The following LIFR variants were observed in gnomAD, a reference collection of about 807,000 sequenced individuals.
LIFR encodes the protein leukemia inhibitory factor receptor.
LIFR carries 84 observed loss-of-function variants against 122.2 expected under a neutral mutation model. The ratio of observed to expected loss-of-function variants is 0.69; its 90% confidence interval spans 0.58 to 0.82. The LOEUF (loss-of-function observed/expected upper bound fraction) is 0.82. Among genes scored for constraint, LIFR ranks in the 40% least tolerant of loss-of-function variants. The probability of loss-of-function intolerance (pLI) is 0.00; values close to 1 mark genes in which losing one functional copy is unlikely to be tolerated. For missense variants in LIFR, 1,294 were observed against 1,311.6 expected (o/e 0.99, Z 0.21); for synonymous variants, 422 against 434.7 (o/e 0.97, Z 0.36).
chr5:38,476,525 T>TC lies in LIFR; in HGVS notation c.*5069_*5070insG. 4.8e-6 allele frequency: 1 copy of TC among 207,562 alleles called. No individual in the cohort carries two copies. Among genetic ancestry groups the TC allele is most frequent in the African/African-American group, 2.3e-5 (1 of 43,914 alleles). 12.9% of individuals were successfully genotyped at this position (207,562 alleles called of 1,614,324 possible). A position where few individuals can be genotyped will look rare whatever the true frequency, so the allele number is the denominator to read the frequency against. On this transcript the variant is annotated 3_prime_UTR_variant, in exon 20 of 20. Coordinates refer to ENST00000453190, the MANE Select transcript of LIFR (RefSeq NM_001127671.2). ...CACATAGGATCTATGTTGTTAGCTT[T>TC]TTTTTTTTTAAAGTTCTGATTGGCT... is the stretch of plus-strand genomic sequence containing the variant.
chr5:38,556,771 CGGCCGCGCGCCCGCGCGCGCG>C (rs1205933649), upstream of LIFR: 6 of 147,786 alleles, frequency 4.1e-5, no homozygotes, highest in Admixed American at 2.7e-4. Flanking sequence ...CGCCGATCCC[CGGCCGCGCGCCCGCGCGCGCG>C]GGTGCTCCAA....
intron 1 of LIFR, among the ~76,000 whole-genome samples, chr5:38,589,972 T>C (rs1199082776): frequency 1.3e-5 from 2 of 152,190 alleles, no homozygotes; most frequent in East Asian, 3.9e-4. Context: ...ATTTAATTCT[T>C]ACAAACCCGG....
chr5:38,536,335 TACA>T (rs1417888097), intron 1 of LIFR, among the ~76,000 whole-genome samples: 1 of 151,274 alleles, frequency 6.6e-6, no homozygotes, highest in African/African-American at 2.4e-5. Flanking sequence ...AAGACAACAG[TACA>T]ACAATAAAAA....
chr5:38,503,199 T>G (rs2112459335), intron 10 of LIFR, among the ~76,000 whole-genome samples: 1 of 152,292 alleles, frequency 6.6e-6, no homozygotes, highest in South Asian at 2.1e-4. Flanking sequence ...AAATGTATTA[T>G]TTGGATGATA....
At chr5:38,523,356 T>C in intron 5 of LIFR, 63 bp downstream of exon 5, 1 of 1,405,202 alleles carries the variant, frequency 7.1e-7, no homozygotes, top group South Asian at 1.2e-5. Flanking sequence ...ACCTTAAGGC[T>C]TCTTAAAAAA....
chr5:38,481,830 T>G lies in LIFR; in HGVS notation c.3059A>C (p.Glu1020Ala). ...GTAACCCGCAGTTTTATCTAAGTCC[T>G]CTTCTGCAGCTATATCTTCCACAGT... ...NSTVEDIAAE[E>A]DLDKTAGYRP... is the part of the protein sequence containing the mutation. Residue 1020 changes from glutamate (E) to alanine (A), a missense_variant, in exon 20 of 20, where the codon GAG (glutamate) becomes GCG (alanine). Glu to Ala is a moderately radical substitution (Grantham distance 107, BLOSUM62 -1). Coordinates refer to ENST00000453190, the MANE Select transcript of LIFR (RefSeq NM_001127671.2). 1 of 1,614,172 alleles carries G rather than the reference T, an allele frequency of 6.2e-7. No individual in the cohort carries two copies. Among genetic ancestry groups the G allele is most frequent in the Non-Finnish European group, 8.5e-7 (1 of 1,180,032 alleles).
intron 3 of LIFR, 132 bp from the exon 4 acceptor site, chr5:38,527,426 C>A: frequency 1.6e-6 from 1 of 638,678 alleles, no homozygotes; most frequent in Admixed American, 2.7e-5. Context: ...TAGGTTGTAC[C>A]GCATTTTAAG....
At chr5:38,491,194 A>G (rs1310757222) in intron 14 of LIFR, among the ~76,000 whole-genome samples, 1 of 152,250 alleles carries the variant, frequency 6.6e-6, no homozygotes, top group African/African-American at 2.4e-5. Flanking sequence ...TCCACAGGAC[A>G]TAGAGGTACT....
At chr5:38,500,358 A>C (rs948032223) in intron 11 of LIFR, among the ~76,000 whole-genome samples, 1 of 152,212 alleles carries the variant, frequency 6.6e-6, no homozygotes, top group African/African-American at 2.4e-5. Context: ...AAAGTGTTTC[A>C]GATTTTGGAT....
chr5:38,570,097 G>A (rs1437947078), intron 1 of LIFR, among the ~76,000 whole-genome samples: 2 of 151,912 alleles, frequency 1.3e-5, no homozygotes, highest in African/African-American at 4.8e-5. Context: ...CATTTAATAG[G>A]TCCATAACAG....
chr5:38,603,919 C>A lies in LIFR; in HGVS notation n.305+2286G>T, dbSNP rs546949600. Among the ~76,000 whole-genome samples the A allele has an allele frequency of 1.3e-4, 20 of 152,284 alleles. No individual in the cohort carries two copies. In the South Asian group the frequency reaches 4.1e-3, roughly 32 times the overall value. On this transcript the variant is annotated intron_variant and non_coding_transcript_variant, in intron 2 of 3. Transcript: ENST00000507786. The stretch of plus-strand genomic sequence containing the variant: ...CAACTCACTTAACAGCATCTATTAT[C>A]CTATTGTTGCTTATATTTTTCTGGT...
chr5:38,527,053 G>C, intron 4 of LIFR, 102 bp downstream of exon 4: 1 of 1,057,872 alleles, frequency 9.5e-7, no homozygotes, highest in South Asian at 1.6e-5. Context: ...TGAATTAAAA[G>C]TAATAGCATA....
At chr5:38,598,394 G>A (rs1443899986), upstream of LIFR, among the ~76,000 whole-genome samples, 1 of 151,080 alleles carries the variant, frequency 6.6e-6, no homozygotes, top group Non-Finnish European at 1.5e-5. Context: ...TTACAGGCAT[G>A]CACCACCATG....
intron 1 of LIFR, among the ~76,000 whole-genome samples, chr5:38,543,459 T>C (rs1206933216): frequency 4.6e-5 from 7 of 152,224 alleles, no homozygotes; most frequent in East Asian, 1.9e-4. Context: ...GTCTTTCCAA[T>C]TGAAAGCCTT....
At chr5:38,589,780 AAGT>A (rs1430810992) in intron 1 of LIFR, among the ~76,000 whole-genome samples, 1 of 150,670 alleles carries the variant, frequency 6.6e-6, no homozygotes, top group Non-Finnish European at 1.5e-5. Flanking sequence ...CTCGAGCAGA[AAGT>A]AGCTCCACCA....
At chr5:38,520,381 AAT>A (rs1746338812) in intron 5 of LIFR, among the ~76,000 whole-genome samples, 1 of 152,090 alleles carries the variant, frequency 6.6e-6, no homozygotes, top group South Asian at 2.1e-4. Flanking sequence ...TTGTTGGATG[AAT>A]AGTTTGGAAA....
At chr5:38,506,481 A>T in intron 8 of LIFR, 22 bp downstream of exon 8, 1 of 1,613,940 alleles carries the variant, frequency 6.2e-7, no homozygotes, top group African/African-American at 1.3e-5. Flanking sequence ...GCCATCTGAC[A>T]TCTTTTCCCA....
In LIFR at chr5:38,511,973, G is replaced by T; in HGVS notation, c.562-9C>A. 1 of 1,613,500 alleles carries T rather than the reference G, an allele frequency of 6.2e-7. No individual in the cohort carries two copies. Among genetic ancestry groups the T allele is most frequent in the South Asian group, 1.1e-5 (1 of 90,970 alleles). On this transcript the variant is annotated splice_polypyrimidine_tract_variant and intron_variant, in intron 5 of 19. Coordinates refer to ENST00000453190, the MANE Select transcript of LIFR (RefSeq NM_001127671.2). Reference sequence around the variant, plus strand: ...GTTGTGTTGTGGGTCACCTAAAAATGAACACAAACACAAAACTGTATTTCC... The same window carrying T: ...GTTGTGTTGTGGGTCACCTAAAAATTAACACAAACACAAAACTGTATTTCC...
rs1743914848 is a variant in LIFR, at chr5:38,480,183, G to C, written c.*1412C>G. On this transcript the variant is annotated 3_prime_UTR_variant, in exon 20 of 20. Transcript: ENST00000453190. ...TTATTCGGACACTTAAAATTTTCAA[G>C]TACTTTTGCCTTAAATATGAAAAGG... 4.4e-6 allele frequency: 1 copy of C among 228,730 alleles called. No homozygotes were observed. The highest frequency in any genetic ancestry group is 1.8e-4 in the South Asian group (1 of 5,498). The allele number at this position is 228,730 out of a possible 1,614,324, so 14.2% of individuals were successfully genotyped here.
Sources: allele counts gnomAD v4.1 joint callset (sites outside exome capture counted in the v4.1 genomes callset), GRCh38; gene constraint gnomAD v4.1.1; transcripts MANE v1.5; gene names NCBI Gene and HGNC (gene_info 2026-07-23, HGNC 2026-07-21).